TGDS: variants seen among roughly 807,000 people sequenced by gnomAD.
The protein encoded by TGDS is UDP-D-glucose 4,6-dehydratase.
Under a neutral mutation model 52.3 loss-of-function variants are expected in TGDS, and 47 were observed. The ratio of observed to expected loss-of-function variants is 0.90; its 90% confidence interval spans 0.71 to 1.15. TGDS has a LOEUF of 1.15. Among genes scored for constraint, TGDS ranks in the 50% most tolerant of loss-of-function variants. The pLI, the probability that TGDS is intolerant of heterozygous loss-of-function variation, is 0.00. For synonymous variants in TGDS, 115 were observed against 136.9 expected (o/e 0.84, Z 1.12); for missense variants, 375 against 418.4 (o/e 0.90, Z 0.90).
At chr13:94,578,987 G>T (rs1304871639) in intron 7 of TGDS, among the ~76,000 whole-genome samples, 1 of 152,170 alleles carries the variant, frequency 6.6e-6, no homozygotes, top group East Asian at 1.9e-4. Flanking sequence ...AAGATAAAAT[G>T]ATCTAAATAG....
At chr13:94,581,990 A>G (rs1477404175) in intron 5 of TGDS, among the ~76,000 whole-genome samples, 1 of 152,184 alleles carries the variant, frequency 6.6e-6, no homozygotes, top group African/African-American at 2.4e-5. Flanking sequence ...ACCTGAGGTC[A>G]GGAGTTCGAG....
At chr13:94,579,978 G>A in intron 6 of TGDS, 25 bp from the exon 7 acceptor site, 1 of 1,509,714 alleles carries the variant, frequency 6.6e-7, no homozygotes, top group Admixed American at 1.8e-5. Context: ...CAACATTAAG[G>A]CTTTTAAAAA....
chr13:94,591,714 G>A lies in TGDS; in HGVS notation c.222+527C>T, dbSNP rs992941074. Among the ~76,000 whole-genome samples, 10 of 152,146 alleles carry A rather than the reference G, an allele frequency of 6.6e-5. No individual in the cohort carries two copies. In the East Asian group the frequency reaches 7.7e-4, roughly 12 times the overall value. ...AATTATTCTAAAAATATGTATTCTC[G>A]ACAATTCTTCAGTAGCTGAAGAAAA... On this transcript the variant is annotated intron_variant, in intron 3 of 11. Transcript: ENST00000261296.
intron 10 of TGDS, among the ~76,000 whole-genome samples, chr13:94,576,645 C>G (rs528659818): frequency 1.3e-5 from 2 of 151,092 alleles, no homozygotes; most frequent in Admixed American, 1.3e-4. Context: ...GTTTCAGCCA[C>G]GATCTAGATA....
At chr13:94,589,368 G>A (rs1889110321) in intron 4 of TGDS, among the ~76,000 whole-genome samples, 1 of 149,248 alleles carries the variant, frequency 6.7e-6, no homozygotes, top group Non-Finnish European at 1.5e-5. Flanking sequence ...AGGCTGGAGT[G>A]CAGTGGTGCA....
intron 4 of TGDS, 27 bp downstream of exon 4, chr13:94,590,826 A>T: frequency 6.6e-7 from 1 of 1,523,226 alleles, no homozygotes; most frequent in South Asian, 1.3e-5. Flanking sequence ...ACTGCCAATC[A>T]TAACTGTAAC....
At position 94,593,851 on chromosome 13, in the gene TGDS, T is replaced by C; in HGVS notation, c.143A>G (p.Asn48Ser). The C allele has an allele frequency of 6.4e-7, 1 of 1,573,170 alleles. No individual in the cohort carries two copies. Among genetic ancestry groups the C allele is most frequent in the East Asian group, 2.3e-5 (1 of 44,162 alleles). ...VEDYPNYMII[N>S]LDKLDYCASL... ...TTTTATAAAACTCACCTTGTCTAGA[T>C]TTATGATCATATAGTTTGGATAATC... The change falls in exon 2 of 12, where the codon AAT becomes AGT. Residue 48 changes from asparagine to serine, a missense_variant. By Grantham distance (46) the Asn-to-Ser change is conservative (BLOSUM62 1). Transcript: ENST00000261296.
At chr13:94,591,134 A>G (rs1889187784) in intron 3 of TGDS, among the ~76,000 whole-genome samples, 191 bp from the exon 4 acceptor site, 1 of 152,240 alleles carries the variant, frequency 6.6e-6, no homozygotes, top group Admixed American at 6.5e-5. Context: ...TAGATATTCA[A>G]TTCAAACTAT....
At chr13:94,593,587 T>C (rs745654787) in intron 2 of TGDS, among the ~76,000 whole-genome samples, 9 of 152,204 alleles carry the variant, frequency 5.9e-5, no homozygotes, top group Non-Finnish European at 1.3e-4. Context: ...AAAAAGTCCA[T>C]TTGCAAAGTA....
intron 2 of TGDS, among the ~76,000 whole-genome samples, chr13:94,593,369 G>C (rs1285163985): frequency 1.3e-5 from 2 of 152,054 alleles, no homozygotes; most frequent in Non-Finnish European, 2.9e-5. Flanking sequence ...AGCTTCATAA[G>C]AGTTAAGGGT....
intron 4 of TGDS, among the ~76,000 whole-genome samples, chr13:94,589,506 G>C (rs952101636): frequency 6.6e-5 from 10 of 151,814 alleles, no homozygotes; most frequent in African/African-American, 2.4e-4. Context: ...AGTGGAGAAG[G>C]GGTTTCACCG....
At chr13:94,581,452 C>T (rs1367996625) in intron 5 of TGDS, among the ~76,000 whole-genome samples, 2 of 152,058 alleles carry the variant, frequency 1.3e-5, no homozygotes, top group East Asian at 1.9e-4. Context: ...TGATGTGAGG[C>T]GAGAGACAGT....
chr13:94,593,134 C>T (rs1012689732), intron 2 of TGDS, among the ~76,000 whole-genome samples: 7 of 151,830 alleles, frequency 4.6e-5, no homozygotes, highest in East Asian at 3.9e-4. Context: ...AGCCTGGCAA[C>T]AGAGTGAGAG....
chr13:94,575,284 GCTTT>G (rs1888559706), intron 11 of TGDS, among the ~76,000 whole-genome samples: 1 of 121,302 alleles, frequency 8.2e-6, no homozygotes, highest in Admixed American at 7.9e-5. Flanking sequence ...GAACTTCCTT[GCTTT>G]TTTTTTTTTT....
At chr13:94,588,630 C>G (rs1889086713) in intron 4 of TGDS, among the ~76,000 whole-genome samples, 1 of 151,896 alleles carries the variant, frequency 6.6e-6, no homozygotes, top group Non-Finnish European at 1.5e-5. Context: ...GGAGAATAGT[C>G]CAATAAACAA....
Position 94,576,355 on chromosome 13 carries a change from C to A in TGDS, c.941G>T (p.Trp314Leu). Residue 314 changes from tryptophan to leucine, a missense_variant, in exon 11 of 12, where the codon TGG becomes TTG. Transcript: ENST00000261296. ...TTCTTTCCAAGGCACTTTAGGTCTCCATCCTAAGCCATGTATTTTTTCTGA... is the reference window on the plus strand; with the variant it reads ...TTCTTTCCAAGGCACTTTAGGTCTCAATCCTAAGCCATGTATTTTTTCTGA... ...MKSEKIHGLG[W>L]RPKVPWKEGI... is the part of the protein sequence containing the mutation. The A allele has an allele frequency of 6.2e-7, 1 of 1,606,004 alleles. No individual in the cohort carries two copies. Among genetic ancestry groups the A allele is most frequent in the South Asian group, 1.1e-5 (1 of 89,494 alleles).
chr13:94,587,799 C>T (rs894051241), intron 4 of TGDS, among the ~76,000 whole-genome samples: 4 of 150,612 alleles, frequency 2.7e-5, no homozygotes, highest in Admixed American at 1.3e-4. Flanking sequence ...AGATCGAGAC[C>T]GTCCTGGCTA....
chr13:94,582,407 A>T (rs1888829420), intron 5 of TGDS, among the ~76,000 whole-genome samples: 1 of 152,226 alleles, frequency 6.6e-6, no homozygotes, highest in Non-Finnish European at 1.5e-5. Context: ...AATTACAAAT[A>T]AATCTGTACC....
rs983126489 is a variant in TGDS, at chr13:94,587,869, C to T, written c.313+2984G>A. ...AAAATTAGCCGGGTGTGGTGGCGGGCGCCTGTAGTCCCAGCTACTCGGGAG... is the reference window on the plus strand; with the variant it reads ...AAAATTAGCCGGGTGTGGTGGCGGGTGCCTGTAGTCCCAGCTACTCGGGAG... On this transcript the variant is annotated intron_variant, in intron 4 of 11. Coordinates refer to ENST00000261296, the MANE Select transcript of TGDS (RefSeq NM_014305.4). 6.7e-3 allele frequency among the ~76,000 whole-genome samples: 1,020 copies of T among 151,280 alleles called. 16 individuals are homozygous for T. Among genetic ancestry groups the T allele is most frequent in the African/African-American group, 0.023 (959 of 41,242 alleles).
Sources: gnomAD v4.1 joint callset for allele counts (sites outside exome capture counted in the v4.1 genomes callset) on GRCh38, gnomAD v4.1.1 for gene constraint, MANE v1.5 for transcripts, NCBI Gene and HGNC (gene_info 2026-07-23, HGNC 2026-07-21) for gene names.